Variants in GPR183 observed in about 807,000 individuals in gnomAD.
GPR183 encodes EBV-induced G-protein coupled receptor 2.
GPR183 carries 9 observed loss-of-function variants against 19.7 expected under a neutral mutation model. That is an observed-to-expected ratio of 0.46 (90% CI 0.28 to 0.80). The LOEUF (loss-of-function observed/expected upper bound fraction) is 0.80. Ranked by LOEUF, GPR183 falls within the 30% of genes least tolerant of loss-of-function variation. The pLI is 0.13. For synonymous variants in GPR183, 160 were observed against 155.1 expected (o/e 1.03, Z -0.24); for missense variants, 368 against 446.7 (o/e 0.82, Z 1.59).
chr13:99,304,582 T>C (rs2044304094), intron 1 of GPR183, among the ~76,000 whole-genome samples: 2 of 152,244 alleles, frequency 1.3e-5, no homozygotes, highest in Admixed American at 6.5e-5. Flanking sequence ...TGAAAGGTTC[T>C]TTATTACACC....
At chr13:99,304,395 C>T (rs2138740336) in intron 1 of GPR183, among the ~76,000 whole-genome samples, 1 of 152,260 alleles carries the variant, frequency 6.6e-6, no homozygotes, top group East Asian at 1.9e-4. Flanking sequence ...GAGTGCTGTG[C>T]TCTGTCATAG....
chr13:99,296,291 T>C (rs936510417), intron 1 of GPR183, 128 bp from the exon 2 acceptor site: 10 of 610,870 alleles, frequency 1.6e-5, no homozygotes, highest in Non-Finnish European at 2.3e-5. Flanking sequence ...ATCTAAGTTT[T>C]AAAATTTCAT....
intron 1 of GPR183, among the ~76,000 whole-genome samples, chr13:99,303,413 AGTT>A (rs1409524997): frequency 1.3e-5 from 2 of 152,190 alleles, no homozygotes; most frequent in Non-Finnish European, 2.9e-5. Context: ...CACATATTCT[AGTT>A]ATTTTCTTTC....
Position 99,295,108 on chromosome 13 carries a change from C to T in GPR183, c.1038G>A (p.Met346Ile), listed in dbSNP as rs371360790. 3.7e-6 allele frequency: 6 copies of T among 1,614,080 alleles called. No homozygotes were observed. The East Asian group carries it at 6.7e-5, about 18-fold the overall frequency. ...AATGTATCATCATCTGCGTTTCTGT[C>T]ATTTCACGTGAATTTTCTTCAGGGG... is the stretch of plus-strand genomic sequence containing the variant. ...KSAPEENSRE[M>I]TETQMMIHSK... Residue 346 changes from methionine (M) to isoleucine (I), a missense_variant, in exon 2 of 2, where the codon ATG becomes ATA. Coordinates refer to ENST00000376414, the MANE Select transcript of GPR183 (RefSeq NM_004951.5). The surrounding 1 kb of genome is among the most constrained non-coding windows in gnomAD (Gnocchi z 4.1).
intron 1 of GPR183, among the ~76,000 whole-genome samples, chr13:99,305,247 C>G (rs1183138415): frequency 6.6e-6 from 1 of 151,956 alleles, no homozygotes; most frequent in Non-Finnish European, 1.5e-5. Context: ...TTCCAAAACA[C>G]CACAGCCATC....
At chr13:99,304,890 G>A (rs1375140897) in intron 1 of GPR183, among the ~76,000 whole-genome samples, 1 of 152,206 alleles carries the variant, frequency 6.6e-6, no homozygotes, top group Non-Finnish European at 1.5e-5. Flanking sequence ...AAGTAAAATA[G>A]GAAGGCATCT....
intron 1 of GPR183, among the ~76,000 whole-genome samples, chr13:99,301,288 G>A (rs898255394): frequency 5.9e-5 from 9 of 152,204 alleles, no homozygotes; most frequent in Non-Finnish European, 7.3e-5. Flanking sequence ...GGCCCTGTCG[G>A]CCTTCAAGGC....
At chr13:99,302,038 C>T (rs997433412) in intron 1 of GPR183, among the ~76,000 whole-genome samples, 2 of 152,168 alleles carry the variant, frequency 1.3e-5, no homozygotes, top group African/African-American at 4.8e-5. Flanking sequence ...TTGGAGGTGA[C>T]TTCTCTGTAG....
chr13:99,301,002 T>TATACTTAGTTA (rs2044249814), intron 1 of GPR183, among the ~76,000 whole-genome samples: 2 of 150,404 alleles, frequency 1.3e-5, no homozygotes, highest in Admixed American at 1.3e-4. Context: ...TAAACTAAGG[T>TATACTTAGTTA]ATACTAGAAA....
intron 1 of GPR183, among the ~76,000 whole-genome samples, chr13:99,297,054 T>C (rs1324820586): frequency 6.6e-6 from 1 of 152,222 alleles, no homozygotes; most frequent in Non-Finnish European, 1.5e-5. Flanking sequence ...ATAGATATTC[T>C]ACAGTCTTCC....
chr13:99,296,167 G>GA lies in GPR183; in HGVS notation c.-18-5dup, dbSNP rs35773388. 1.9e-6 allele frequency: 3 copies of GA among 1,539,710 alleles called. No homozygotes were observed. Among genetic ancestry groups the GA allele is most frequent in the African/African-American group, 2.8e-5 (2 of 71,994 alleles). The stretch of plus-strand genomic sequence containing the variant: ...CCATTGGTGGTGGTCCAGGTGTCTA[G>GA]AAAAAAACCAAGAAGGATCATATAA... On this transcript the variant is annotated splice_region_variant and splice_polypyrimidine_tract_variant and intron_variant, in intron 1 of 1. Transcript: ENST00000376414.
At chr13:99,304,121 G>A (rs1216694744) in intron 1 of GPR183, among the ~76,000 whole-genome samples, 1 of 152,164 alleles carries the variant, frequency 6.6e-6, no homozygotes, top group African/African-American at 2.4e-5. Context: ...CTCATGATCT[G>A]AGCTCCATTC....
chr13:99,304,897 A>C (rs535619484), intron 1 of GPR183, among the ~76,000 whole-genome samples: 1 of 152,234 alleles, frequency 6.6e-6, no homozygotes, highest in African/African-American at 2.4e-5. Context: ...ATAGGAAGGC[A>C]TCTCAAAACC....
chr13:99,298,999 A>T (rs2044217908), intron 1 of GPR183, among the ~76,000 whole-genome samples: 1 of 152,196 alleles, frequency 6.6e-6, no homozygotes, highest in Non-Finnish European at 1.5e-5. Flanking sequence ...ATTCATGGGA[A>T]TTGCCTTTAA....
chr13:99,304,479 T>C (rs1044937591), intron 1 of GPR183, among the ~76,000 whole-genome samples: 4 of 152,206 alleles, frequency 2.6e-5, no homozygotes, highest in African/African-American at 9.7e-5. Context: ...CCTATGGTGT[T>C]AATTTCTTGT....
chr13:99,307,085 A>C (rs184577800), intron 1 of GPR183, among the ~76,000 whole-genome samples: 2 of 152,210 alleles, frequency 1.3e-5, no homozygotes, highest in Non-Finnish European at 2.9e-5. Context: ...ATACAGTAGT[A>C]CATGAAGTGA....
In GPR183 at chr13:99,295,823, G is replaced by A. The variant is rs142541591; in HGVS notation, c.323C>T (p.Ala108Val). 33 of 1,608,442 alleles carry A rather than the reference G, an allele frequency of 2.1e-5. No homozygotes were observed. The African/African-American group carries it at 2.5e-4, about 12-fold the overall frequency. ...RIGDALCRIT[A>V]LVFYINTYAG... The stretch of plus-strand genomic sequence containing the variant: ...ATATGTGTTGATGTAAAACACTAGC[G>A]CAGTTATCCTACACAAGGCATCTCC... Residue 108 changes from alanine (A) to valine (V), a missense_variant, in exon 2 of 2, where the codon GCG becomes GTG. Physicochemically the swap from Ala to Val is moderately conservative, Grantham distance 64 (BLOSUM62 0). Coordinates refer to ENST00000376414, the MANE Select transcript of GPR183 (RefSeq NM_004951.5). The surrounding 1 kb of genome is among the most constrained non-coding windows in gnomAD (Gnocchi z 4.1).
chr13:99,296,588 GT>G (rs764327970), intron 1 of GPR183, among the ~76,000 whole-genome samples: 117 of 152,186 alleles, frequency 7.7e-4, no homozygotes, highest in Non-Finnish European at 1.2e-3. Context: ...TTTAATTTCA[GT>G]TGGATTTTTT....
In GPR183 at chr13:99,295,261, G is replaced by A. The variant is rs2044151703; in HGVS notation, c.885C>T (p.Cys295=). The change falls in exon 2 of 2, where the codon TGC becomes TGT. Residue 295 remains cysteine (C), a synonymous_variant. Coordinates refer to ENST00000376414, the MANE Select transcript of GPR183 (RefSeq NM_004951.5). This position sits in a 1 kb window ranked among gnomAD's most constrained non-coding sequence, Gnocchi z 4.1. ...SFQISLHFTV[C]LMNFNCCMDP... is the part of the protein sequence containing the mutation. ...CCATGCAGCAATTGAAGTTCATCAG[G>A]CATACTGTAAAGTGCAGAGAAATCT... 1.2e-6 allele frequency: 2 copies of A among 1,614,084 alleles called. No homozygotes were observed. The highest frequency in any genetic ancestry group is 1.3e-5 in the African/African-American group (1 of 75,028).
Sources: gnomAD v4.1 joint callset for allele counts (sites outside exome capture counted in the v4.1 genomes callset) on GRCh38, gnomAD v4.1.1 for gene constraint, Gnocchi (gnomAD v3.1) non-coding constraint, MANE v1.5 for transcripts, NCBI Gene and HGNC (gene_info 2026-07-23, HGNC 2026-07-21) for gene names.